Variants in DSCAM observed in about 807,000 individuals in gnomAD.
DSCAM encodes the protein cell adhesion molecule DSCAM.
Under a neutral mutation model 217.7 loss-of-function variants are expected in DSCAM, and 47 were observed. The observed-to-expected ratio is 0.22, with a 90% CI of 0.17 to 0.28. DSCAM has a LOEUF of 0.28. DSCAM is among the 10% of genes least tolerant of loss of function. The probability of loss-of-function intolerance (pLI) is 1.00; values close to 1 mark genes in which losing one functional copy is unlikely to be tolerated. For missense variants in DSCAM, 2,080 were observed against 2,618.3 expected (o/e 0.79, Z 4.49); for synonymous variants, 1,056 against 1,015.3 (o/e 1.04, Z -0.76).
chr21:40,029,906 A>G (rs375629216), intron 32 of DSCAM, among the ~76,000 whole-genome samples: 3 of 152,214 alleles, frequency 2.0e-5, no homozygotes, highest in African/African-American at 7.2e-5. Flanking sequence ...TGTTCTGCAC[A>G]TCACTAAAAC....
At chr21:40,257,774 GT>G (rs1347215960) in intron 11 of DSCAM, among the ~76,000 whole-genome samples, 1 of 151,944 alleles carries the variant, frequency 6.6e-6, no homozygotes, top group Admixed American at 6.6e-5. Flanking sequence ...ACTTACCCTT[GT>G]TTTTTTCTCC....
At position 40,686,217 on chromosome 21, in the gene DSCAM, A is replaced by ACACACCCTC. The variant is rs1555880557; in HGVS notation, c.508+6592_508+6593insGAGGGTGTG. On this transcript the variant is annotated intron_variant, in intron 3 of 32. Coordinates refer to ENST00000400454, the MANE Select transcript of DSCAM (RefSeq NM_001389.5). ...CACATAGCACGTACTCCACACACACACACACACACACAGAGCTCACACACC... is the reference window on the plus strand; with the variant it reads ...CACATAGCACGTACTCCACACACACACACACCCTCCACACACACACAGAGCTCACACACC... 1.3e-3 allele frequency among the ~76,000 whole-genome samples: 186 copies of ACACACCCTC among 146,812 alleles called. 2 individuals are homozygous for ACACACCCTC. The highest frequency in any genetic ancestry group is 4.1e-3 in the African/African-American group (164 of 40,068).
Position 40,699,974 on chromosome 21 carries a change from ATAGC to A in DSCAM, c.362-7022_362-7019del, listed in dbSNP as rs1389110405. On this transcript the variant is annotated intron_variant, in intron 2 of 32. Transcript: ENST00000400454. ...AAAGAAAATGCCATCCAGGATTTTCATAGCTAGAGAGGAGAAGTCAATGCCTAGC... is the reference window on the plus strand; with the variant it reads ...AAAGAAAATGCCATCCAGGATTTTCATAGAGAGGAGAAGTCAATGCCTAGC... 2.6e-5 allele frequency among the ~76,000 whole-genome samples: 4 copies of A among 152,254 alleles called. No homozygotes were observed. In the East Asian group the frequency reaches 7.7e-4, roughly 29 times the overall value.
At chr21:40,389,243 A>G (rs1171142072) in intron 3 of DSCAM, among the ~76,000 whole-genome samples, 1 of 152,208 alleles carries the variant, frequency 6.6e-6, no homozygotes, top group Non-Finnish European at 1.5e-5. Context: ...AAGTCATTAT[A>G]AATGTCTAGC....
At chr21:40,658,647 G>A (rs1412648526) in intron 3 of DSCAM, among the ~76,000 whole-genome samples, 5 of 152,174 alleles carry the variant, frequency 3.3e-5, no homozygotes, top group Non-Finnish European at 7.3e-5. Context: ...TGAACAAGAA[G>A]ACTACGGTCC....
At chr21:40,122,405 C>A (rs2090045067) in intron 20 of DSCAM, among the ~76,000 whole-genome samples, 2 of 152,140 alleles carry the variant, frequency 1.3e-5, no homozygotes, top group African/African-American at 4.8e-5. Context: ...AACCGTGAAT[C>A]CCATAGCAAA....
In DSCAM at chr21:40,476,229, G is replaced by A. The variant is rs72495589; in HGVS notation, c.509-106984C>T. 4.6e-3 allele frequency among the ~76,000 whole-genome samples: 693 copies of A among 152,218 alleles called. 14 individuals carry two copies. The highest frequency in any genetic ancestry group is 0.034 in the Admixed American group (515 of 15,288). ...TGAAGGCCCTTAGTGAAGGTATATCGATAATTTTAGGGAGATAATATGGCA... is the reference window on the plus strand; with the variant it reads ...TGAAGGCCCTTAGTGAAGGTATATCAATAATTTTAGGGAGATAATATGGCA... On this transcript the variant is annotated intron_variant, in intron 3 of 32. Transcript: ENST00000400454.
At chr21:40,686,155 C>A (rs557950597) in intron 3 of DSCAM, among the ~76,000 whole-genome samples, 88 of 142,312 alleles carry the variant, frequency 6.2e-4, no homozygotes, top group African/African-American at 1.7e-3. Flanking sequence ...ACACCCCCTG[C>A]ATATATCACA....
At chr21:40,505,526 G>A (rs554029847) in intron 3 of DSCAM, among the ~76,000 whole-genome samples, 1 of 152,210 alleles carries the variant, frequency 6.6e-6, no homozygotes, top group Non-Finnish European at 1.5e-5. Flanking sequence ...ACAGCTGGTG[G>A]CTTGCTTAAA....
At chr21:40,617,261 C>T (rs577737613) in intron 3 of DSCAM, among the ~76,000 whole-genome samples, 220 of 150,578 alleles carry the variant, frequency 1.5e-3, no homozygotes, top group Non-Finnish European at 2.3e-3. Context: ...GTAGCTGGGA[C>T]TACAGGCGCC....
chr21:40,576,643 G>A (rs909741820), intron 3 of DSCAM, among the ~76,000 whole-genome samples: 1 of 152,032 alleles, frequency 6.6e-6, no homozygotes, highest in Admixed American at 6.5e-5. Flanking sequence ...GTGGCAGAAT[G>A]GGAGAAGACA....
intron 1 of DSCAM, among the ~76,000 whole-genome samples, chr21:40,828,621 C>T (rs58159687): frequency 0.013 from 1,958 of 151,594 alleles, 32 homozygotes; most frequent in African/African-American, 0.045. Flanking sequence ...ATAAGCCAAT[C>T]ACATCCTCCC....
intron 1 of DSCAM, among the ~76,000 whole-genome samples, chr21:40,740,183 CTA>C (rs1252307628): frequency 1.3e-5 from 2 of 151,980 alleles, no homozygotes; most frequent in Non-Finnish European, 2.9e-5. Context: ...ATAAAAAACT[CTA>C]AATTTAATAC....
At chr21:40,165,122 A>G (rs995312313) in intron 16 of DSCAM, among the ~76,000 whole-genome samples, 5 of 152,196 alleles carry the variant, frequency 3.3e-5, no homozygotes, top group Admixed American at 1.3e-4. Context: ...GCATATGTCC[A>G]CCGTGGCTGA....
chr21:40,661,587 G>A (rs1288576638), intron 3 of DSCAM, among the ~76,000 whole-genome samples: 1 of 152,124 alleles, frequency 6.6e-6, no homozygotes, highest in Admixed American at 6.5e-5. Flanking sequence ...TGTCTTCTTG[G>A]GATTAGAAAA....
rs978863802 is a variant in DSCAM, at chr21:40,072,513, A to T, written c.4888+2524T>A. Among the ~76,000 whole-genome samples, 4 of 151,584 alleles carry T rather than the reference A, an allele frequency of 2.6e-5. No homozygotes were observed. The East Asian group carries it at 7.8e-4, about 30-fold the overall frequency. On this transcript the variant is annotated intron_variant, in intron 27 of 32. Transcript: ENST00000400454. ...AGGCGCCCGCCACCACCCCCGGCTA[A>T]TTTTTTTTGTATTTTTAGTAGAGAC...
At chr21:40,771,399 A>G (rs2091443946) in intron 1 of DSCAM, among the ~76,000 whole-genome samples, 1 of 152,142 alleles carries the variant, frequency 6.6e-6, no homozygotes, top group African/African-American at 2.4e-5. Context: ...ATCTCAAAGC[A>G]CCTTTTACAT....
intron 3 of DSCAM, among the ~76,000 whole-genome samples, chr21:40,588,973 G>A (rs1216081702): frequency 6.6e-6 from 1 of 152,098 alleles, no homozygotes; most frequent in Non-Finnish European, 1.5e-5. Flanking sequence ...GATTAATTAG[G>A]AACTCAAACT....
At chr21:40,492,138 G>GA (rs142149976) in intron 3 of DSCAM, among the ~76,000 whole-genome samples, 119 of 148,214 alleles carry the variant, frequency 8.0e-4, no homozygotes, top group Non-Finnish European at 1.5e-3. Context: ...CATTGCTTTA[G>GA]AAAAAAAAAA....
Sources: allele counts gnomAD v4.1 joint callset (sites outside exome capture counted in the v4.1 genomes callset), GRCh38; gene constraint gnomAD v4.1.1; transcripts MANE v1.5; gene names NCBI Gene and HGNC (gene_info 2026-07-23, HGNC 2026-07-21).